CLIP4: variants seen among roughly 807,000 people sequenced by gnomAD.
The protein encoded by CLIP4 is CAP-Gly domain-containing linker protein 4.
Under a neutral mutation model 73.1 loss-of-function variants are expected in CLIP4, and 47 were observed. The ratio of observed to expected loss-of-function variants is 0.64; its 90% CI spans 0.51 to 0.82. The LOEUF (loss-of-function observed/expected upper bound fraction) is 0.82, where lower values mean the gene tolerates loss of function less well. Ranked by LOEUF, CLIP4 falls within the 40% of genes least tolerant of loss-of-function variation. The probability of loss-of-function intolerance (pLI) is 0.00; values close to 1 mark genes in which losing one functional copy is unlikely to be tolerated. For missense variants in CLIP4, 874 were observed against 852.9 expected, an observed-to-expected ratio of 1.02 and a Z score of -0.31; for synonymous variants, 306 against 295.4, an observed-to-expected ratio of 1.04 and a Z score of -0.37.
At chr2:29,133,323 G>T (rs918511379) in intron 4 of CLIP4, among the ~76,000 whole-genome samples, 4 of 152,206 alleles carry the variant, frequency 2.6e-5, no homozygotes, top group Non-Finnish European at 5.9e-5. Flanking sequence ...GAACACGTTT[G>T]GGGGAGCACT....
chr2:29,176,310 T>C (rs951193519), intron 15 of CLIP4, among the ~76,000 whole-genome samples: 2 of 152,202 alleles, frequency 1.3e-5, no homozygotes, highest in African/African-American at 4.8e-5. Flanking sequence ...GACACGTGTG[T>C]TGAGAAAGTA....
chr2:29,106,647 C>T (rs879259858), intron 1 of CLIP4, among the ~76,000 whole-genome samples: 15 of 152,170 alleles, frequency 9.9e-5, no homozygotes, highest in Admixed American at 3.3e-4. Flanking sequence ...AACCATGACA[C>T]TCTCTATTTT....
chr2:29,130,003 T>A (rs1265958822), intron 2 of CLIP4: 2 of 471,030 alleles, frequency 4.2e-6, no homozygotes, highest in East Asian at 1.4e-4. Flanking sequence ...GGGAATCATG[T>A]GTTTCACCCT....
At chr2:29,114,555 T>A (rs987805409), upstream of CLIP4, among the ~76,000 whole-genome samples, 1 of 152,164 alleles carries the variant, frequency 6.6e-6, no homozygotes, top group Non-Finnish European at 1.5e-5. Context: ...AACCACTGCT[T>A]GGTGGGAAGA....
intron 6 of CLIP4, among the ~76,000 whole-genome samples, chr2:29,141,759 T>C (rs1051201985): frequency 1.3e-5 from 2 of 152,162 alleles, no homozygotes; most frequent in African/African-American, 4.8e-5. Flanking sequence ...TCTTTTTTTT[T>C]AATCCGATTT....
At chr2:29,104,447 A>G (rs1376508508) in intron 1 of CLIP4, among the ~76,000 whole-genome samples, 1 of 143,632 alleles carries the variant, frequency 7.0e-6, no homozygotes, top group African/African-American at 2.8e-5. Context: ...AGCTAATTTT[A>G]TTTTATTTTT....
chr2:29,167,979 CTA>C (rs1384114125), intron 14 of CLIP4: 3 of 152,400 alleles, frequency 2.0e-5, no homozygotes, highest in African/African-American at 7.2e-5. Flanking sequence ...CTATTACAAA[CTA>C]TGTTCTTGTG....
In CLIP4 at chr2:29,115,815, C is replaced by T. The variant is rs1286039824; in HGVS notation, c.-16+150C>T. On this transcript the variant is annotated intron_variant, in intron 1 of 15. Transcript: ENST00000320081. The surrounding 1 kb of genome is among the most constrained non-coding windows in gnomAD (Gnocchi z 5.1). Reference sequence around the variant, plus strand: ...GCTGGGGGCTGTGGAAGCCCCGCGGCCGCCTCCCGTGGGCACCGGTGTCGC... The same window carrying T: ...GCTGGGGGCTGTGGAAGCCCCGCGGTCGCCTCCCGTGGGCACCGGTGTCGC... 1 of 151,572 alleles carries T rather than the reference C, an allele frequency of 6.6e-6. No individual in the cohort carries two copies. The highest frequency in any genetic ancestry group is 2.0e-4 in the East Asian group (1 of 5,108). The allele number at this position is 151,572 out of a possible 1,614,324, so 9.4% of individuals were successfully genotyped here.
chr2:29,099,919 A>G (rs554510798), intron 1 of CLIP4, among the ~76,000 whole-genome samples: 1 of 152,210 alleles, frequency 6.6e-6, no homozygotes, highest in African/African-American at 2.4e-5. Context: ...AGATTTATAC[A>G]TAACTCTTTC....
At chr2:29,103,838 A>C (rs1169064741) in intron 1 of CLIP4, among the ~76,000 whole-genome samples, 1 of 151,736 alleles carries the variant, frequency 6.6e-6, no homozygotes, top group Non-Finnish European at 1.5e-5. Context: ...GTCAGACTCC[A>C]GAGTAGCTGA....
intron 15 of CLIP4, among the ~76,000 whole-genome samples, chr2:29,177,864 A>G (rs2148116622): frequency 6.6e-6 from 1 of 152,342 alleles, no homozygotes; most frequent in Middle Eastern, 3.4e-3. Flanking sequence ...ATGAGTAAAC[A>G]GAGCTCTCAA....
At position 29,131,448 on chromosome 2, in the gene CLIP4, A is replaced by G. The variant is rs775487928; in HGVS notation, c.273+51A>G. 1.4e-5 allele frequency: 21 copies of G among 1,532,510 alleles called. No individual in the cohort carries two copies. The East Asian group carries it at 3.0e-4, about 22-fold the overall frequency. The allele number at this position is 1,532,510 out of a possible 1,614,324, so 94.9% of individuals were successfully genotyped here. A position where few individuals can be genotyped will look rare whatever the true frequency, so the allele number is the denominator to read the frequency against. On this transcript the variant is annotated intron_variant, in intron 3 of 15. Transcript: ENST00000320081. ...TTGCATTGTTAGGATTGTTAATGGT[A>G]TAGATTTTTTTCCCCATCTGAAAGG...
intron 1 of CLIP4, among the ~76,000 whole-genome samples, chr2:29,098,450 C>G (rs775267959): frequency 6.6e-6 from 1 of 152,206 alleles, no homozygotes; most frequent in South Asian, 2.1e-4. Context: ...GATCATTTTA[C>G]GGTCTCCATT....
intron 2 of CLIP4, among the ~76,000 whole-genome samples, chr2:29,122,142 CATATTAGTAG>C (rs1308065702): frequency 7.9e-5 from 12 of 151,998 alleles, no homozygotes; most frequent in Middle Eastern, 6.9e-3. Context: ...ACAATTTTTA[CATATTAGTAG>C]ATATTAGTAG....
chr2:29,110,295 A>G (rs949520836), intron 1 of CLIP4, among the ~76,000 whole-genome samples: 1 of 152,162 alleles, frequency 6.6e-6, no homozygotes, highest in Non-Finnish European at 1.5e-5. Flanking sequence ...TTGACAAAGG[A>G]GATGGATTAG....
intron 8 of CLIP4, among the ~76,000 whole-genome samples, chr2:29,148,584 CA>C (rs1393259262): frequency 1.3e-5 from 2 of 152,214 alleles, no homozygotes; most frequent in African/African-American, 4.8e-5. Flanking sequence ...TCTCTGCCCT[CA>C]AATCCTGCTC....
upstream of CLIP4, among the ~76,000 whole-genome samples, chr2:29,112,567 A>G (rs1668409783): frequency 6.6e-6 from 1 of 152,244 alleles, no homozygotes; most frequent in South Asian, 2.1e-4. Flanking sequence ...AGACAAAACT[A>G]TTGATTTTTA....
chr2:29,105,643 G>T (rs1015303406), intron 1 of CLIP4, among the ~76,000 whole-genome samples: 2 of 152,194 alleles, frequency 1.3e-5, no homozygotes, highest in Non-Finnish European at 2.9e-5. Context: ...CAGCTAGACT[G>T]CTAGGGACTA....
At chr2:29,137,387 C>T (rs908910843) in intron 6 of CLIP4, among the ~76,000 whole-genome samples, 14 of 152,066 alleles carry the variant, frequency 9.2e-5, no homozygotes, top group African/African-American at 3.4e-4. Flanking sequence ...GTGTAGTATG[C>T]CCTATATGTA....
Sources: allele counts gnomAD v4.1 joint callset (sites outside exome capture counted in the v4.1 genomes callset), GRCh38; gene constraint gnomAD v4.1.1; non-coding constraint Gnocchi (gnomAD v3.1); transcripts MANE v1.5; gene names NCBI Gene and HGNC (gene_info 2026-07-23, HGNC 2026-07-21).